Variants in DCUN1D5 observed in about 807,000 individuals in gnomAD.
DCUN1D5 encodes the protein defective in cullin neddylation 1 domain containing 5.
A neutral mutation model predicts 38.3 loss-of-function variants in DCUN1D5; 10 were observed. That is an observed-to-expected ratio of 0.26 (90% confidence interval 0.16 to 0.44). DCUN1D5 has a LOEUF of 0.44. DCUN1D5 is among the 20% of genes least tolerant of loss of function. The pLI is 1.00. For synonymous variants in DCUN1D5, 93 were observed against 90.9 expected (o/e 1.02, Z -0.13); for missense variants, 148 against 275.3 (o/e 0.54, Z 3.27).
Position 103,091,648 on chromosome 11 carries a change from G to A in DCUN1D5, c.86+139C>T, listed in dbSNP as rs755951789. ...TCGGGCGCGGAGACTCGCGGTGTTCGGCACCTACAGCCTAGCTCGATCAAA... is the reference window on the plus strand; with the variant it reads ...TCGGGCGCGGAGACTCGCGGTGTTCAGCACCTACAGCCTAGCTCGATCAAA... On this transcript the variant is annotated intron_variant, in intron 1 of 7. Transcript: ENST00000260247. This position sits in a 1 kb window ranked among gnomAD's most constrained non-coding sequence, Gnocchi z 4.3. 1.3e-6 allele frequency: 2 copies of A among 1,526,636 alleles called. No individual in the cohort carries two copies. The highest frequency in any genetic ancestry group is 1.9e-5 in the Admixed American group (1 of 53,116). 94.6% of individuals were successfully genotyped at this position (1,526,636 alleles called of 1,614,324 possible).
chr11:103,079,302 A>G (rs1452070022), intron 4 of DCUN1D5, among the ~76,000 whole-genome samples: 2 of 152,172 alleles, frequency 1.3e-5, no homozygotes, highest in Non-Finnish European at 2.9e-5. Flanking sequence ...GGGTTACAGT[A>G]TTGTAATGTT....
At position 103,066,749 on chromosome 11, in the gene DCUN1D5, T is replaced by TA. The variant is rs909938684; in HGVS notation, c.342-183dup. Among the ~76,000 whole-genome samples the TA allele has an allele frequency of 6.6e-4, 100 of 151,174 alleles. 1 individual carries two copies. The highest frequency in any genetic ancestry group is 2.4e-3 in the African/African-American group (98 of 41,234). Reference sequence around the variant, plus strand: ...TCTTGCCCTGCATCTACCAATGCAATAAAAAAAGAAAAAAGGGGAAAAAAG... The same window carrying TA: ...TCTTGCCCTGCATCTACCAATGCAATAAAAAAAAGAAAAAAGGGGAAAAAAG... On this transcript the variant is annotated intron_variant, in intron 4 of 7. Coordinates refer to ENST00000260247, the MANE Select transcript of DCUN1D5 (RefSeq NM_032299.4). The surrounding 1 kb of genome is among the most constrained non-coding windows in gnomAD (Gnocchi z 4.7).
Position 103,060,030 on chromosome 11 carries a change from T to G in DCUN1D5, c.*2329A>C, listed in dbSNP as rs1400745095. Among the ~76,000 whole-genome samples the G allele has an allele frequency of 6.6e-6, 1 of 152,168 alleles. No individual in the cohort carries two copies. ...TGTATTGTTTATATCACTTAACATT[T>G]TTGATCATAAATTTCCCAGTAAATT... On this transcript the variant is annotated 3_prime_UTR_variant, in exon 8 of 8. Coordinates refer to ENST00000260247, the MANE Select transcript of DCUN1D5 (RefSeq NM_032299.4).
intron 1 of DCUN1D5, among the ~76,000 whole-genome samples, chr11:103,089,702 C>T (rs1376412074): frequency 6.6e-6 from 1 of 151,920 alleles, no homozygotes; most frequent in Non-Finnish European, 1.5e-5. Context: ...AAAACAAACT[C>T]TTACAAAGTA....
In DCUN1D5 at chr11:103,077,096, A is replaced by G. The variant is rs1207249422; in HGVS notation, c.341+5652T>C. Reference sequence around the variant, plus strand: ...GTGCCTGTAGTCCCAGCTACTCAGGAGTCTGAAGCAGGGGAATGGCGTGAA... The same window carrying G: ...GTGCCTGTAGTCCCAGCTACTCAGGGGTCTGAAGCAGGGGAATGGCGTGAA... On this transcript the variant is annotated intron_variant, in intron 4 of 7. Coordinates refer to ENST00000260247, the MANE Select transcript of DCUN1D5 (RefSeq NM_032299.4). This position sits in a 1 kb window ranked among gnomAD's most constrained non-coding sequence, Gnocchi z 4.3. Among the ~76,000 whole-genome samples the G allele has an allele frequency of 6.6e-6, 1 of 152,130 alleles. No homozygotes were observed. Among genetic ancestry groups the G allele is most frequent in the Non-Finnish European group, 1.5e-5 (1 of 68,024 alleles).
chr11:103,075,283 AG>A (rs1862380810), intron 4 of DCUN1D5, among the ~76,000 whole-genome samples: 3 of 152,342 alleles, frequency 2.0e-5, no homozygotes, highest in Admixed American at 2.0e-4. Flanking sequence ...AGGTTTCTTC[AG>A]GGTAAATGTC....
rs1362822983 is a variant in DCUN1D5 at position 103,086,587 on chromosome 11, T to A, written c.178+2640A>T. 6.6e-6 allele frequency among the ~76,000 whole-genome samples: 1 copy of A among 152,182 alleles called. No individual in the cohort carries two copies. Among genetic ancestry groups the A allele is most frequent in the Non-Finnish European group, 1.5e-5 (1 of 68,032 alleles). On this transcript the variant is annotated intron_variant, in intron 2 of 7. Transcript: ENST00000260247. The surrounding 1 kb of genome is among the most constrained non-coding windows in gnomAD (Gnocchi z 4.1). ...CTGAACCTCACCATATTTATTATCC[T>A]TATAACTCCCCACAATCTGTACTTA...
At position 103,091,267 on chromosome 11, in the gene DCUN1D5, G is replaced by A. The variant is rs1862857168; in HGVS notation, c.86+520C>T. On this transcript the variant is annotated intron_variant, in intron 1 of 7. Transcript: ENST00000260247. This position sits in a 1 kb window ranked among gnomAD's most constrained non-coding sequence, Gnocchi z 4.3. Reference sequence around the variant, plus strand: ...CTCCTGCTGGGACCTTCCGGGTTAGGCCACTCCAAATACTAAATATGGAGG... The same window carrying A: ...CTCCTGCTGGGACCTTCCGGGTTAGACCACTCCAAATACTAAATATGGAGG... 6.6e-6 allele frequency among the ~76,000 whole-genome samples: 1 copy of A among 152,034 alleles called. No individual in the cohort carries two copies.
Position 103,078,897 on chromosome 11 carries a change from C to A in DCUN1D5, c.341+3851G>T, listed in dbSNP as rs1355872148. On this transcript the variant is annotated intron_variant, in intron 4 of 7. Transcript: ENST00000260247. The surrounding 1 kb of genome is among the most constrained non-coding windows in gnomAD (Gnocchi z 4.6). ...CTGAAATTAACCTTACTCATCTGTGCTTTCATAGTATCTTGTATTTCCACT... is the reference window on the plus strand; with the variant it reads ...CTGAAATTAACCTTACTCATCTGTGATTTCATAGTATCTTGTATTTCCACT... Among the ~76,000 whole-genome samples the A allele has an allele frequency of 6.6e-6, 1 of 152,190 alleles. No homozygotes were observed. The highest frequency in any genetic ancestry group is 2.4e-5 in the African/African-American group (1 of 41,446).
intron 4 of DCUN1D5, among the ~76,000 whole-genome samples, chr11:103,074,289 C>T (rs1862353583): frequency 1.3e-5 from 2 of 152,134 alleles, no homozygotes; most frequent in Non-Finnish European, 2.9e-5. Flanking sequence ...CTTCCATGTT[C>T]GTTAGCATCT....
At chr11:103,090,780 C>T (rs897787668) in intron 1 of DCUN1D5, among the ~76,000 whole-genome samples, 1 of 152,030 alleles carries the variant, frequency 6.6e-6, no homozygotes, top group Non-Finnish European at 1.5e-5. Flanking sequence ...GGCGTGGTGG[C>T]GGGCGCCTAT....
At chr11:103,081,756 T>C (rs1434808367) in intron 4 of DCUN1D5, among the ~76,000 whole-genome samples, 3 of 152,142 alleles carry the variant, frequency 2.0e-5, no homozygotes, top group African/African-American at 7.2e-5. Flanking sequence ...CAAAGGCTTT[T>C]ACCCAAAAAT....
rs914653706 is a variant in DCUN1D5 at position 103,057,419 on chromosome 11, A to G, written c.*4940T>C. ...TATTTTCTATGTGAAAAAGTTAATT[A>G]TTTCCCAGGAGTGGTGGCTCACACC... On this transcript the variant is annotated 3_prime_UTR_variant, in exon 8 of 8. Transcript: ENST00000260247. The surrounding 1 kb of genome is among the most constrained non-coding windows in gnomAD (Gnocchi z 4.8). Among the ~76,000 whole-genome samples, 2 of 151,948 alleles carry G rather than the reference A, an allele frequency of 1.3e-5. No homozygotes were observed. The highest frequency in any genetic ancestry group is 4.8e-5 in the African/African-American group (2 of 41,350).
Position 103,061,046 on chromosome 11 carries a change from G to A in DCUN1D5, c.*1313C>T, listed in dbSNP as rs1861998085. On this transcript the variant is annotated 3_prime_UTR_variant, in exon 8 of 8. Coordinates refer to ENST00000260247, the MANE Select transcript of DCUN1D5 (RefSeq NM_032299.4). ...TATTAAGAAGGCAAGTAAAACAGTG[G>A]CAATCATTTTTTTCCCAGCTGATTA... 2.0e-5 allele frequency among the ~76,000 whole-genome samples: 3 copies of A among 152,076 alleles called. 1 individual carries two copies. The South Asian group carries it at 6.2e-4, about 32-fold the overall frequency.
chr11:103,088,686 A>C (rs1862776132), intron 2 of DCUN1D5, among the ~76,000 whole-genome samples: 1 of 152,194 alleles, frequency 6.6e-6, no homozygotes, highest in Non-Finnish European at 1.5e-5. Flanking sequence ...ATATCAGTCT[A>C]TTTATTTTCT....
chr11:103,075,877 CCTA>C (rs1210231437), intron 4 of DCUN1D5, among the ~76,000 whole-genome samples: 5 of 152,160 alleles, frequency 3.3e-5, no homozygotes, highest in Non-Finnish European at 7.3e-5. Context: ...AAATTCATTA[CCTA>C]CTATTTCACT....
chr11:103,068,687 G>C (rs560177072), intron 4 of DCUN1D5, among the ~76,000 whole-genome samples: 2 of 152,218 alleles, frequency 1.3e-5, no homozygotes, highest in South Asian at 2.1e-4. Context: ...CTACTTGAAG[G>C]TGGAGGGTGG....
Position 103,052,203 on chromosome 11 carries a change from A to C in DCUN1D5, c.*10156T>G, listed in dbSNP as rs991062443. 1 of 152,232 alleles carries C rather than the reference A, an allele frequency of 6.6e-6. No individual in the cohort carries two copies. The highest frequency in any genetic ancestry group is 2.4e-5 in the African/African-American group (1 of 41,458). The allele number at this position is 152,232 out of a possible 1,614,324, so 9.4% of individuals were successfully genotyped here. A position where few individuals can be genotyped will look rare whatever the true frequency, so the allele number is the denominator to read the frequency against. The stretch of plus-strand genomic sequence containing the variant: ...AGTCAGGCACCATGCTGAGAGCTGA[A>C]GACATGGTTTCTGCCCTCAAGAATC... On this transcript the variant is annotated 3_prime_UTR_variant, in exon 8 of 8. Transcript: ENST00000260247.
At chr11:103,080,257 CA>C (rs1330304710) in intron 4 of DCUN1D5, among the ~76,000 whole-genome samples, 1 of 151,988 alleles carries the variant, frequency 6.6e-6, no homozygotes, top group Non-Finnish European at 1.5e-5. Context: ...GGTGAAATCA[CA>C]AAAGTATGAA....
Sources: gnomAD v4.1 joint callset for allele counts (sites outside exome capture counted in the v4.1 genomes callset) on GRCh38, gnomAD v4.1.1 for gene constraint, Gnocchi (gnomAD v3.1) non-coding constraint, MANE v1.5 for transcripts, NCBI Gene and HGNC (gene_info 2026-07-23, HGNC 2026-07-21) for gene names.